Variants in PLCE1 observed in about 807,000 individuals in gnomAD.
PLCE1 encodes the protein 1-phosphatidylinositol 4,5-bisphosphate phosphodiesterase epsilon-1.
PLCE1 carries 119 observed loss-of-function variants against 242.8 expected under a neutral mutation model. The ratio of observed to expected loss-of-function variants is 0.49; its 90% CI spans 0.42 to 0.57. The LOEUF is 0.57. Among genes scored for constraint, PLCE1 ranks in the 20% least tolerant of loss-of-function variants. The probability of loss-of-function intolerance (pLI) is 0.00; values close to 1 mark genes in which losing one functional copy is unlikely to be tolerated. For missense variants in PLCE1, 2,441 were observed against 2,788.8 expected (o/e 0.88, Z 2.81); for synonymous variants, 945 against 1,017.4 (o/e 0.93, Z 1.35).
chr10:94,025,407 A>G, intron 1 of PLCE1, among the ~76,000 whole-genome samples: 1 of 152,154 alleles, frequency 6.6e-6, no homozygotes, highest in Non-Finnish European at 1.5e-5. Flanking sequence ...TAATGTTGTA[A>G]AGATTAAATG....
chr10:94,261,041 G>A (rs2051278997), intron 13 of PLCE1, among the ~76,000 whole-genome samples: 1 of 152,132 alleles, frequency 6.6e-6, no homozygotes. Context: ...TTTGTGTTGT[G>A]CATTCTATGG....
intron 3 of PLCE1, among the ~76,000 whole-genome samples, chr10:94,154,624 A>G (rs2047372417): frequency 6.6e-6 from 1 of 152,098 alleles, no homozygotes; most frequent in African/African-American, 2.4e-5. Context: ...ACCCAACAAC[A>G]CAATTCAAAA....
At chr10:94,230,768 A>G (rs2050115906) in intron 5 of PLCE1, among the ~76,000 whole-genome samples, 1 of 151,958 alleles carries the variant, frequency 6.6e-6, no homozygotes, top group Non-Finnish European at 1.5e-5. Context: ...TACCAGCACA[A>G]TGGCTATTTA....
At chr10:94,077,696 A>G (rs1323063072) in intron 2 of PLCE1, among the ~76,000 whole-genome samples, 2 of 152,188 alleles carry the variant, frequency 1.3e-5, no homozygotes, top group South Asian at 2.1e-4. Flanking sequence ...TGAGCCCAGG[A>G]GTCAAGGCTA....
At chr10:94,072,408 C>G (rs763604228) in intron 2 of PLCE1, among the ~76,000 whole-genome samples, 4 of 152,092 alleles carry the variant, frequency 2.6e-5, no homozygotes, top group African/African-American at 4.8e-5. Flanking sequence ...TCCTGAGCAA[C>G]TGGGACTACA....
rs544833622 is a variant in PLCE1, at chr10:94,299,035, C to T, written c.5458+366C>T. On this transcript the variant is annotated intron_variant, in intron 24 of 32. Coordinates refer to ENST00000371380, the MANE Select transcript of PLCE1 (RefSeq NM_016341.4). ...TAACCTGTCTCACTACGCAGTTGTT[C>T]TTGCAGTCAAAAGGTAGTGTCACTC... is the stretch of plus-strand genomic sequence containing the variant. Among the ~76,000 whole-genome samples, 6 of 152,310 alleles carry T rather than the reference C, an allele frequency of 3.9e-5. No homozygotes were observed. The East Asian group carries it at 1.2e-3, about 29-fold the overall frequency.
intron 4 of PLCE1, among the ~76,000 whole-genome samples, chr10:94,219,922 A>G (rs185635354): frequency 6.6e-6 from 1 of 152,226 alleles, no homozygotes; most frequent in East Asian, 1.9e-4. Flanking sequence ...TGAGGCTCTG[A>G]AAAAGCTACC....
At chr10:94,169,406 G>A (rs1449292273) in intron 3 of PLCE1, among the ~76,000 whole-genome samples, 1 of 152,182 alleles carries the variant, frequency 6.6e-6, no homozygotes, top group African/African-American at 2.4e-5. Context: ...GATTAAAGGT[G>A]GAGATAACCA....
intron 26 of PLCE1, among the ~76,000 whole-genome samples, chr10:94,307,519 A>T (rs1227141688): frequency 6.6e-6 from 1 of 152,204 alleles, no homozygotes; most frequent in African/African-American, 2.4e-5. Context: ...GGCTGCCATC[A>T]TGGAATACCA....
intron 5 of PLCE1, among the ~76,000 whole-genome samples, chr10:94,232,913 T>C (rs1459093802): frequency 2.6e-5 from 4 of 152,134 alleles, no homozygotes; most frequent in Non-Finnish European, 2.9e-5. Flanking sequence ...GTTCACGTGA[T>C]CTACAGACTG....
intron 1 of PLCE1, among the ~76,000 whole-genome samples, chr10:93,996,849 T>C (rs994061010): frequency 1.3e-5 from 2 of 152,248 alleles, no homozygotes; most frequent in African/African-American, 4.8e-5. Context: ...GATAGCTACA[T>C]GCAGCTAGTG....
At chr10:94,288,816 GA>G (rs1402161635) in intron 22 of PLCE1, among the ~76,000 whole-genome samples, 1 of 152,104 alleles carries the variant, frequency 6.6e-6, no homozygotes, top group Non-Finnish European at 1.5e-5. Flanking sequence ...CCATTCCCTG[GA>G]CACACACTGT....
intron 4 of PLCE1, among the ~76,000 whole-genome samples, chr10:94,197,112 A>T (rs10786154): frequency 2.6e-4 from 40 of 152,066 alleles, no homozygotes; most frequent in African/African-American, 8.7e-4. Context: ...TTTGTCTGGC[A>T]TCTTTCACTT....
intron 1 of PLCE1, among the ~76,000 whole-genome samples, chr10:94,004,102 C>T (rs995546708): frequency 4.0e-5 from 6 of 151,690 alleles, no homozygotes; most frequent in South Asian, 2.1e-4. Context: ...GCTGAGATCG[C>T]GCCACTGCAC....
rs148430006 is a variant in PLCE1, at chr10:94,163,334, G to T, written c.1493-7846G>T. Among the ~76,000 whole-genome samples, 775 of 152,250 alleles carry T rather than the reference G, an allele frequency of 5.1e-3. 4 individuals carry two copies. Among genetic ancestry groups the T allele is most frequent in the Non-Finnish European group, 8.1e-3 (550 of 68,026 alleles). On this transcript the variant is annotated intron_variant, in intron 3 of 32. Coordinates refer to ENST00000371380, the MANE Select transcript of PLCE1 (RefSeq NM_016341.4). ...CTAAGGACTTGCTTTATGAATCTGG[G>T]TGCTCCTGTATTGGGTGCACATGTA...
intron 2 of PLCE1, among the ~76,000 whole-genome samples, chr10:94,036,448 A>G (rs2061665546): frequency 6.6e-6 from 1 of 151,922 alleles, no homozygotes; most frequent in Non-Finnish European, 1.5e-5. Flanking sequence ...TTTTTCTTGG[A>G]TACCTTGGTC....
chr10:94,068,776 A>G (rs924858396), intron 2 of PLCE1, among the ~76,000 whole-genome samples: 1 of 152,224 alleles, frequency 6.6e-6, no homozygotes, highest in Non-Finnish European at 1.5e-5. Flanking sequence ...TACCAAGCTA[A>G]TAATTAGTAG....
chr10:94,071,495 G>GTTTTTTTTTTTTTTGTTTGTT (rs2044353601), intron 2 of PLCE1, among the ~76,000 whole-genome samples: 6 of 83,318 alleles, frequency 7.2e-5, no homozygotes, highest in African/African-American at 3.2e-4. Flanking sequence ...TTTGGTTTTC[G>GTTTTTTTTTTTTTTGTTTGTT]TTTTTTTTTT....
intron 1 of PLCE1, among the ~76,000 whole-genome samples, chr10:94,025,843 T>G (rs921132546): frequency 6.6e-6 from 1 of 152,232 alleles, no homozygotes; most frequent in Non-Finnish European, 1.5e-5. Context: ...GCTCTAACCA[T>G]GCATTTCATT....
Sources: allele counts gnomAD v4.1 joint callset (sites outside exome capture counted in the v4.1 genomes callset), GRCh38; gene constraint gnomAD v4.1.1; transcripts MANE v1.5; gene names NCBI Gene and HGNC (gene_info 2026-07-23, HGNC 2026-07-21).